Variants in SLC49A4 observed in about 807,000 individuals in gnomAD.
SLC49A4 encodes the protein disrupted in renal cancer protein 2.
A neutral mutation model predicts 50.6 loss-of-function variants in SLC49A4; 36 were observed. That is an observed-to-expected ratio of 0.71 (90% CI 0.55 to 0.94). SLC49A4 has a LOEUF of 0.94. SLC49A4 is among the 40% of genes least tolerant of loss of function. SLC49A4 has a pLI of 0.00. For synonymous variants in SLC49A4, 248 were observed against 241.2 expected (o/e 1.03, Z -0.26); for missense variants, 503 against 605.7 (o/e 0.83, Z 1.78).
At chr3:122,799,206 T>C (rs1936095704) in intron 1 of SLC49A4, among the ~76,000 whole-genome samples, 1 of 152,152 alleles carries the variant, frequency 6.6e-6, no homozygotes. Flanking sequence ...AAATATTTAG[T>C]ATGTCACCTA....
At chr3:122,864,196 A>G (rs1387380981) in intron 7 of SLC49A4, among the ~76,000 whole-genome samples, 1 of 152,226 alleles carries the variant, frequency 6.6e-6, no homozygotes, top group African/African-American at 2.4e-5. Flanking sequence ...TTGCTTACAT[A>G]TATCCTCTTG....
chr3:122,852,835 C>A (rs1936942718), intron 5 of SLC49A4, among the ~76,000 whole-genome samples: 1 of 152,170 alleles, frequency 6.6e-6, no homozygotes, highest in South Asian at 2.1e-4. Flanking sequence ...TAGCAGACAA[C>A]CCTAAAGGAA....
intron 5 of SLC49A4, among the ~76,000 whole-genome samples, chr3:122,854,223 A>G (rs1936958320): frequency 6.6e-6 from 1 of 152,216 alleles, no homozygotes; most frequent in South Asian, 2.1e-4. Flanking sequence ...CTATAGAGCG[A>G]TAATTTAAGC....
At chr3:122,803,409 A>G (rs553812157) in intron 1 of SLC49A4, among the ~76,000 whole-genome samples, 4 of 152,176 alleles carry the variant, frequency 2.6e-5, no homozygotes, top group African/African-American at 9.7e-5. Context: ...GGAAGAAGAG[A>G]TGAGGTCTCA....
chr3:122,856,394 C>T lies in SLC49A4; in HGVS notation c.1010+20C>T. The T allele has an allele frequency of 6.2e-7, 1 of 1,610,022 alleles. No individual in the cohort carries two copies. The highest frequency in any genetic ancestry group is 8.5e-7 in the Non-Finnish European group (1 of 1,176,486). On this transcript the variant is annotated intron_variant, in intron 6 of 8. Coordinates refer to ENST00000261038, the MANE Select transcript of SLC49A4 (RefSeq NM_032839.3). ...GGCAAGGTGAGAATATTTTGTTAAA[C>T]TTGTGAGTGGACAGAGCAGGGGGAA...
chr3:122,809,032 G>A (rs1180471806), intron 2 of SLC49A4, among the ~76,000 whole-genome samples: 3 of 152,234 alleles, frequency 2.0e-5, no homozygotes, highest in East Asian at 1.9e-4. Flanking sequence ...AGTTTCACTC[G>A]AGGGACTCTG....
intron 4 of SLC49A4, among the ~76,000 whole-genome samples, chr3:122,841,498 T>C (rs1287028386): frequency 6.6e-6 from 1 of 152,218 alleles, no homozygotes; most frequent in East Asian, 1.9e-4. Flanking sequence ...TATAATAATA[T>C]CTTAGTGTTG....
At chr3:122,844,789 A>C (rs1936825864) in intron 4 of SLC49A4, among the ~76,000 whole-genome samples, 1 of 152,134 alleles carries the variant, frequency 6.6e-6, no homozygotes, top group Admixed American at 6.5e-5. Context: ...TCTTCAAAAA[A>C]AAAAAAAATT....
chr3:122,802,817 G>A (rs368253748), intron 1 of SLC49A4, among the ~76,000 whole-genome samples: 2 of 152,130 alleles, frequency 1.3e-5, no homozygotes, highest in African/African-American at 4.8e-5. Flanking sequence ...CTGAAGAAAA[G>A]GTCGTGTGAC....
At chr3:122,796,621 T>G (rs1208334567) in intron 1 of SLC49A4, among the ~76,000 whole-genome samples, 1 of 152,238 alleles carries the variant, frequency 6.6e-6, no homozygotes, top group Non-Finnish European at 1.5e-5. Context: ...TGAGGTCTGT[T>G]TTATACGGGC....
intron 5 of SLC49A4, among the ~76,000 whole-genome samples, chr3:122,846,907 TG>T (rs1379651007): frequency 6.6e-6 from 1 of 152,196 alleles, no homozygotes; most frequent in Non-Finnish European, 1.5e-5. Flanking sequence ...CAGAGGACTT[TG>T]GGGGACTCCA....
intron 8 of SLC49A4, among the ~76,000 whole-genome samples, chr3:122,878,118 T>C (rs1006206159): frequency 5.3e-5 from 8 of 152,180 alleles, no homozygotes; most frequent in Admixed American, 4.6e-4. Flanking sequence ...ATAAGAATTA[T>C]GGATTAAACT....
At chr3:122,875,432 C>T (rs751863773) in intron 8 of SLC49A4, among the ~76,000 whole-genome samples, 1 of 152,148 alleles carries the variant, frequency 6.6e-6, no homozygotes, top group Non-Finnish European at 1.5e-5. Flanking sequence ...CTCACTGCAA[C>T]GTTGGCCTCC....
chr3:122,857,365 T>C (rs1035033652), intron 6 of SLC49A4, among the ~76,000 whole-genome samples: 1 of 151,852 alleles, frequency 6.6e-6, no homozygotes, highest in African/African-American at 2.4e-5. Flanking sequence ...TCTTGGTATT[T>C]CCAAAGAGAT....
At chr3:122,876,593 T>C (rs1206342554) in intron 8 of SLC49A4, among the ~76,000 whole-genome samples, 1 of 152,204 alleles carries the variant, frequency 6.6e-6, no homozygotes, top group Non-Finnish European at 1.5e-5. Flanking sequence ...AGCTGGCTGC[T>C]CACCTTGAGT....
chr3:122,835,961 C>T (rs1394768502), intron 4 of SLC49A4, among the ~76,000 whole-genome samples: 3 of 152,080 alleles, frequency 2.0e-5, no homozygotes, highest in Non-Finnish European at 2.9e-5. Flanking sequence ...ACACCAACAA[C>T]GAGAAAGGCA....
intron 4 of SLC49A4, among the ~76,000 whole-genome samples, chr3:122,837,108 A>G (rs1196995496): frequency 1.3e-5 from 2 of 152,192 alleles, no homozygotes; most frequent in Non-Finnish European, 2.9e-5. Flanking sequence ...GGTTGGAAGA[A>G]TCAATATCGT....
chr3:122,872,638 CAAGAA>C, intron 8 of SLC49A4, 41 bp downstream of exon 8: 1 of 1,460,566 alleles, frequency 6.8e-7, no homozygotes, highest in Non-Finnish European at 9.3e-7. Context: ...AAATGTGTTA[CAAGAA>C]AAGTTTGGGT....
chr3:122,811,446 G>A (rs549283423), intron 2 of SLC49A4, among the ~76,000 whole-genome samples: 1 of 152,186 alleles, frequency 6.6e-6, no homozygotes, highest in Non-Finnish European at 1.5e-5. Flanking sequence ...CTGAGATGTG[G>A]GGAAAAACAG....
Sources: gnomAD v4.1 joint callset for allele counts (sites outside exome capture counted in the v4.1 genomes callset) on GRCh38, gnomAD v4.1.1 for gene constraint, MANE v1.5 for transcripts, NCBI Gene and HGNC (gene_info 2026-07-23, HGNC 2026-07-21) for gene names.